ZNF536: variants seen among roughly 807,000 people sequenced by gnomAD.
The protein encoded by ZNF536 is zinc finger protein 536.
Under a neutral mutation model 84.5 loss-of-function variants are expected in ZNF536, and 13 were observed. The observed-to-expected ratio is 0.15, with a 90% CI of 0.10 to 0.24. The LOEUF is 0.24. ZNF536 is among the 10% of genes least tolerant of loss of function. ZNF536 has a pLI of 1.00. For missense variants in ZNF536, 1,536 were observed against 1,747.5 expected (o/e 0.88, Z 2.16); for synonymous variants, 811 against 742.5 (o/e 1.09, Z -1.50).
intron 2 of ZNF536, among the ~76,000 whole-genome samples, chr19:30,466,584 A>AGAGAGAGAGAG (rs1555775077): frequency 3.0e-4 from 44 of 144,460 alleles, no homozygotes; most frequent in African/African-American, 9.1e-4. Flanking sequence ...GAAAGAAAGA[A>AGAGAGAGAGAG]AGAGAGAGAG....
intron 1 of ZNF536, among the ~76,000 whole-genome samples, chr19:30,571,912 G>A (rs1043292960): frequency 6.6e-6 from 1 of 152,166 alleles, no homozygotes; most frequent in Non-Finnish European, 1.5e-5. Context: ...CTTGCCCTTG[G>A]TTGTAGAAGC....
At chr19:30,658,539 T>TCA (rs144517985) in intron 1 of ZNF536, among the ~76,000 whole-genome samples, 2,659 of 149,026 alleles carry the variant, frequency 0.018, 56 homozygotes, top group African/African-American at 0.048. Flanking sequence ...CCTCTCTCTG[T>TCA]CACACACACA....
chr19:30,324,257 C>T (rs73018861), intron 2 of ZNF536, among the ~76,000 whole-genome samples: 5,225 of 152,300 alleles, frequency 0.034, 114 homozygotes, highest in Non-Finnish European at 0.052. Context: ...TCCATCCCAT[C>T]CATCATCCAT....
At chr19:30,503,089 A>G (rs1405476136) in intron 2 of ZNF536, among the ~76,000 whole-genome samples, 2 of 152,102 alleles carry the variant, frequency 1.3e-5, no homozygotes, top group Non-Finnish European at 2.9e-5. Flanking sequence ...AAATTATGCT[A>G]CTCAATAAAT....
At chr19:30,494,388 G>A (rs781406548) in intron 2 of ZNF536, among the ~76,000 whole-genome samples, 1 of 152,198 alleles carries the variant, frequency 6.6e-6, no homozygotes, top group African/African-American at 2.4e-5. Context: ...ACTTCACTCC[G>A]CCATTCCTTT....
rs551908411 is a variant in ZNF536, at chr19:30,402,327, G to C, written c.-3+29771G>C. 3.3e-5 allele frequency among the ~76,000 whole-genome samples: 5 copies of C among 150,524 alleles called. No individual in the cohort carries two copies. In the South Asian group the frequency reaches 1.1e-3, roughly 32 times the overall value. ...AAATCATTATAGCAATATAGTGGAG[G>C]GGAAAAAAAAAGAGAAAACAGCAAT... On this transcript the variant is annotated intron_variant, in intron 1 of 4. Coordinates refer to ENST00000355537, the MANE Select transcript of ZNF536 (RefSeq NM_014717.3).
intron 1 of ZNF536, among the ~76,000 whole-genome samples, chr19:30,434,824 T>C (rs1010450859): frequency 6.6e-6 from 1 of 152,076 alleles, no homozygotes; most frequent in South Asian, 2.1e-4. Flanking sequence ...ATGGTGGTGA[T>C]GGTGGTGATG....
At chr19:30,665,463 C>A (rs1177586168) in intron 1 of ZNF536, 2 of 152,190 alleles carry the variant, frequency 1.3e-5, no homozygotes, top group Non-Finnish European at 2.9e-5. Context: ...CTGGGGGGAT[C>A]AGTGGAGGAA....
chr19:30,651,108 G>A (rs1444725747), intron 1 of ZNF536, among the ~76,000 whole-genome samples: 1 of 152,196 alleles, frequency 6.6e-6, no homozygotes, highest in Non-Finnish European at 1.5e-5. Context: ...ACATAAAGGG[G>A]AGAACCCGGG....
At chr19:30,229,457 C>T (rs923840635) in intron 1 of ZNF536, among the ~76,000 whole-genome samples, 6 of 152,150 alleles carry the variant, frequency 3.9e-5, no homozygotes, top group Non-Finnish European at 8.8e-5. Flanking sequence ...GTTCAGAACC[C>T]AGGGGAAAAG....
chr19:30,236,430 C>T (rs1198798325), intron 1 of ZNF536, among the ~76,000 whole-genome samples: 1 of 151,924 alleles, frequency 6.6e-6, no homozygotes, highest in Non-Finnish European at 1.5e-5. Context: ...TTTGTTTCAG[C>T]CCCCCCACCC....
At chr19:30,477,777 G>A (rs1015763319) in intron 2 of ZNF536, among the ~76,000 whole-genome samples, 2 of 152,172 alleles carry the variant, frequency 1.3e-5, no homozygotes, top group Admixed American at 6.5e-5. Context: ...CTTAAGTGAA[G>A]TGGAGATTTC....
chr19:30,607,267 CT>C (rs1285207739), intron 1 of ZNF536, among the ~76,000 whole-genome samples: 1 of 151,830 alleles, frequency 6.6e-6, no homozygotes, highest in Non-Finnish European at 1.5e-5. Context: ...TCATGTGAAA[CT>C]TTTTTTTGTT....
intron 1 of ZNF536, among the ~76,000 whole-genome samples, chr19:30,396,159 C>T (rs1395106405): frequency 6.6e-6 from 1 of 152,166 alleles, no homozygotes; most frequent in Admixed American, 6.5e-5. Context: ...GACTTCTCAC[C>T]AAATAACAAA....
chr19:30,667,121 G>A (rs1458882426), intron 1 of ZNF536, among the ~76,000 whole-genome samples: 4 of 152,252 alleles, frequency 2.6e-5, no homozygotes, highest in Non-Finnish European at 5.9e-5. Flanking sequence ...AACTAACCTC[G>A]TTAGCATCTC....
intron 1 of ZNF536, among the ~76,000 whole-genome samples, chr19:30,586,866 A>G (rs1718083861): frequency 6.6e-6 from 1 of 152,226 alleles, no homozygotes; most frequent in South Asian, 2.1e-4. Context: ...TTCTAACTCT[A>G]CAACTGAAAC....
intron 3 of ZNF536, among the ~76,000 whole-genome samples, chr19:30,542,080 A>G (rs2045354527): frequency 6.6e-6 from 1 of 152,238 alleles, no homozygotes; most frequent in Admixed American, 6.5e-5. Context: ...CTTAAAAGTG[A>G]AACACTTTTG....
intron 2 of ZNF536, among the ~76,000 whole-genome samples, chr19:30,290,514 TG>T (rs1169149695): frequency 2.6e-5 from 4 of 152,142 alleles, no homozygotes; most frequent in African/African-American, 9.7e-5. Context: ...TCGAATCATC[TG>T]CCAGCCTCAG....
chr19:30,644,829 C>T (rs551420193), intron 1 of ZNF536, among the ~76,000 whole-genome samples: 3 of 152,244 alleles, frequency 2.0e-5, no homozygotes, highest in East Asian at 3.9e-4. Flanking sequence ...AATAAACATA[C>T]GTGTGCATGT....
Sources: gnomAD v4.1 joint callset for allele counts (sites outside exome capture counted in the v4.1 genomes callset) on GRCh38, gnomAD v4.1.1 for gene constraint, MANE v1.5 for transcripts, NCBI Gene and HGNC (gene_info 2026-07-23, HGNC 2026-07-21) for gene names.